Variants in GLRA3 observed in about 807,000 individuals in gnomAD.
GLRA3 encodes glycine receptor alpha 3, also known as glycine receptor subunit alpha-3.
In GLRA3, 44 loss-of-function variants were observed where a neutral mutation model predicts 60.4. The ratio of observed to expected loss-of-function variants is 0.73; its 90% CI spans 0.57 to 0.94. GLRA3 has a LOEUF of 0.94. Ranked by LOEUF, GLRA3 falls within the 40% of genes least tolerant of loss-of-function variation. The probability of loss-of-function intolerance (pLI) is 0.00; values close to 1 mark genes in which losing one functional copy is unlikely to be tolerated. For synonymous variants in GLRA3, 223 were observed against 192.9 expected (o/e 1.16, Z -1.29); for missense variants, 508 against 564.6 (o/e 0.90, Z 1.02).
At chr4:174,651,336 G>A (rs187739099) in intron 9 of GLRA3, among the ~76,000 whole-genome samples, 48 of 152,200 alleles carry the variant, frequency 3.2e-4, no homozygotes, top group Admixed American at 1.4e-3. Context: ...CCTTAATTTA[G>A]CTACTTAACT....
chr4:174,728,154 A>T (rs957593083), intron 4 of GLRA3, among the ~76,000 whole-genome samples: 1 of 152,236 alleles, frequency 6.6e-6, no homozygotes, highest in African/African-American at 2.4e-5. Flanking sequence ...ATATATACAT[A>T]AAAGTATTAT....
At chr4:174,826,591 T>TC (rs575431880) in intron 1 of GLRA3, among the ~76,000 whole-genome samples, 2,227 of 150,182 alleles carry the variant, frequency 0.015, 22 homozygotes, top group South Asian at 0.026. Context: ...CAATAAAAAT[T>TC]TTAAAAAAAT....
At position 174,638,221 on chromosome 4, in the gene GLRA3, T is replaced by C. The variant is rs1333656936; in HGVS notation, c.*5565A>G. The C allele has an allele frequency of 6.6e-6, 1 of 152,198 alleles. No homozygotes were observed. The highest frequency in any genetic ancestry group is 6.5e-5 in the Admixed American group (1 of 15,276). 9.4% of individuals were successfully genotyped at this position (152,198 alleles called of 1,614,324 possible). ...TGCTCGAAGAATGTGGATAATGTAA[T>C]GGTGAAGATTCTGACATTGGGAGGA... On this transcript the variant is annotated 3_prime_UTR_variant, in exon 10 of 10. Coordinates refer to ENST00000274093, the MANE Select transcript of GLRA3 (RefSeq NM_006529.4).
At chr4:174,767,293 C>T (rs553146768) in intron 2 of GLRA3, among the ~76,000 whole-genome samples, 4 of 152,174 alleles carry the variant, frequency 2.6e-5, no homozygotes, top group African/African-American at 7.2e-5. Flanking sequence ...TCTAATGGCT[C>T]TGTAATGCCT....
chr4:174,709,445 A>T (rs1330542455), intron 5 of GLRA3, among the ~76,000 whole-genome samples: 2 of 152,046 alleles, frequency 1.3e-5, no homozygotes, highest in Non-Finnish European at 2.9e-5. Flanking sequence ...AATTTTGGAT[A>T]TGCATATTGT....
At chr4:174,673,636 T>C (rs1311725930) in intron 7 of GLRA3, among the ~76,000 whole-genome samples, 1 of 152,114 alleles carries the variant, frequency 6.6e-6, no homozygotes, top group Non-Finnish European at 1.5e-5. Context: ...TATATCTTCT[T>C]TCCCTGTCTT....
chr4:174,683,080 G>T, intron 5 of GLRA3, 141 bp from the exon 6 acceptor site: 1 of 626,730 alleles, frequency 1.6e-6, no homozygotes, highest in Non-Finnish European at 2.8e-6. Context: ...GCTATTCATT[G>T]CCCAATTCCG....
intron 2 of GLRA3, among the ~76,000 whole-genome samples, chr4:174,775,225 T>G (rs1049413080): frequency 2.0e-5 from 3 of 152,110 alleles, no homozygotes; most frequent in African/African-American, 7.2e-5. Context: ...TTGTAAATGT[T>G]ATTCAAGAAC....
At chr4:174,651,888 C>T (rs961934082) in intron 9 of GLRA3, among the ~76,000 whole-genome samples, 9 of 152,058 alleles carry the variant, frequency 5.9e-5, no homozygotes, top group East Asian at 3.9e-4. Context: ...TCATATCAGA[C>T]CCCTTTCAGA....
intron 5 of GLRA3, among the ~76,000 whole-genome samples, chr4:174,686,869 A>G (rs1162546381): frequency 1.3e-5 from 2 of 152,220 alleles, no homozygotes; most frequent in African/African-American, 4.8e-5. Flanking sequence ...AGAAGCATAT[A>G]AAGTGTCAAA....
chr4:174,663,209 G>A (rs1399275358), intron 7 of GLRA3, among the ~76,000 whole-genome samples: 1 of 152,078 alleles, frequency 6.6e-6, no homozygotes, highest in African/African-American at 2.4e-5. Context: ...TCTCCACTGG[G>A]CAAAGAGCAG....
chr4:174,738,585 A>C, intron 3 of GLRA3, among the ~76,000 whole-genome samples: 1 of 152,242 alleles, frequency 6.6e-6, no homozygotes, highest in East Asian at 1.9e-4. Flanking sequence ...TAGGTTTAGC[A>C]TAATGTTGCA....
chr4:174,645,057 T>C (rs1473425544), intron 9 of GLRA3, among the ~76,000 whole-genome samples: 1 of 152,052 alleles, frequency 6.6e-6, no homozygotes, highest in Non-Finnish European at 1.5e-5. Context: ...AAAGTTGTTA[T>C]ATCTCTCCTA....
intron 2 of GLRA3, among the ~76,000 whole-genome samples, chr4:174,776,924 A>G (rs1026998013): frequency 2.6e-5 from 4 of 152,200 alleles, no homozygotes; most frequent in Admixed American, 2.6e-4. Context: ...AAATCTCCCT[A>G]AACATTCACA....
chr4:174,823,284 T>C (rs533027304), intron 1 of GLRA3, among the ~76,000 whole-genome samples: 6 of 152,132 alleles, frequency 3.9e-5, no homozygotes, highest in Non-Finnish European at 5.9e-5. Context: ...TACATACATA[T>C]GAATTTGAGG....
chr4:174,743,726 C>A (rs1036790714), intron 3 of GLRA3, among the ~76,000 whole-genome samples: 1 of 152,084 alleles, frequency 6.6e-6, no homozygotes, highest in South Asian at 2.1e-4. Flanking sequence ...TTCCTTATAA[C>A]CCTTGCATCT....
At chr4:174,688,318 CATATATATATATATATATATATATAT>C (rs553159490) in intron 5 of GLRA3, among the ~76,000 whole-genome samples, 9 of 34,962 alleles carry the variant, frequency 2.6e-4, no homozygotes, top group African/African-American at 8.5e-4. Flanking sequence ...TACCTGACAT[CATATATATATATATATATATATATAT>C]ATATATATAT....
chr4:174,772,856 C>A (rs1402365579), intron 2 of GLRA3, among the ~76,000 whole-genome samples: 1 of 152,068 alleles, frequency 6.6e-6, no homozygotes, highest in African/African-American at 2.4e-5. Context: ...CAGAATGGAC[C>A]TGACCCCGAA....
At chr4:174,649,282 A>G (rs1732945669) in intron 9 of GLRA3, among the ~76,000 whole-genome samples, 1 of 152,182 alleles carries the variant, frequency 6.6e-6, no homozygotes, top group Non-Finnish European at 1.5e-5. Context: ...TGAGCAGGGA[A>G]GGAGGCAAAG....
Sources: gnomAD v4.1 joint callset for allele counts (sites outside exome capture counted in the v4.1 genomes callset) on GRCh38, gnomAD v4.1.1 for gene constraint, MANE v1.5 for transcripts, NCBI Gene and HGNC (gene_info 2026-07-23, HGNC 2026-07-21) for gene names.